KCNIP4: variants seen among roughly 807,000 people sequenced by gnomAD.
KCNIP4 encodes the protein Kv channel-interacting protein 4.
KCNIP4 carries 12 observed loss-of-function variants against 34.0 expected under a neutral mutation model. The ratio of observed to expected loss-of-function variants is 0.35; its 90% CI spans 0.23 to 0.57. The LOEUF is 0.57. KCNIP4 is among the 20% of genes least tolerant of loss of function. The pLI, the probability that KCNIP4 is intolerant of heterozygous loss-of-function variation, is 0.83. For missense variants in KCNIP4, 238 were observed against 311.7 expected (o/e 0.76, Z 1.78); for synonymous variants, 124 against 102.2 (o/e 1.21, Z -1.29).
chr4:21,716,880 A>G (rs1166879301), intron 1 of KCNIP4, among the ~76,000 whole-genome samples: 1 of 152,046 alleles, frequency 6.6e-6, no homozygotes, highest in Non-Finnish European at 1.5e-5. Context: ...GTGTAGGTAA[A>G]TTTAGAAATA....
chr4:20,884,706 C>CT (rs975286527), intron 1 of KCNIP4, among the ~76,000 whole-genome samples: 12,091 of 125,670 alleles, frequency 0.096, 768 homozygotes, highest in Non-Finnish European at 0.13. Flanking sequence ...CCAGTGCAGC[C>CT]TTTTTTTTTT....
chr4:21,523,334 T>C (rs73801659), intron 1 of KCNIP4, among the ~76,000 whole-genome samples: 12,663 of 152,148 alleles, frequency 0.083, 878 homozygotes, highest in Admixed American at 0.18. Flanking sequence ...TGTGTGTCTG[T>C]GTGTGTTTAC....
chr4:21,839,537 T>C (rs1723550875), intron 1 of KCNIP4, among the ~76,000 whole-genome samples: 1 of 152,180 alleles, frequency 6.6e-6, no homozygotes, highest in African/African-American at 2.4e-5. Context: ...GTGGATCGCC[T>C]GAGGTTAGAA....
chr4:21,620,082 A>G (rs1744900086), intron 1 of KCNIP4, among the ~76,000 whole-genome samples: 1 of 152,268 alleles, frequency 6.6e-6, no homozygotes, highest in Non-Finnish European at 1.5e-5. Flanking sequence ...AAGGGGCAGC[A>G]TGACTGAGCA....
At chr4:21,509,804 A>G (rs1577489030) in intron 1 of KCNIP4, among the ~76,000 whole-genome samples, 1 of 152,060 alleles carries the variant, frequency 6.6e-6, no homozygotes, top group African/African-American at 2.4e-5. Context: ...TAGACTGTAA[A>G]TATCCCCTGT....
At chr4:21,942,899 C>G (rs1032613290) in intron 1 of KCNIP4, among the ~76,000 whole-genome samples, 1 of 152,082 alleles carries the variant, frequency 6.6e-6, no homozygotes, top group African/African-American at 2.4e-5. Context: ...GCTGGGATTA[C>G]AGGTGTCTGC....
intron 1 of KCNIP4, among the ~76,000 whole-genome samples, chr4:21,857,566 T>C (rs746090750): frequency 8.6e-5 from 13 of 151,724 alleles, no homozygotes; most frequent in Non-Finnish European, 1.6e-4. Context: ...AGCTAACCAC[T>C]CCAGGGTCAC....
chr4:21,724,929 C>T (rs1715084542), intron 1 of KCNIP4, among the ~76,000 whole-genome samples: 1 of 152,096 alleles, frequency 6.6e-6, no homozygotes, highest in African/African-American at 2.4e-5. Context: ...CTCTTTCCTA[C>T]ATTATCTTTT....
intron 1 of KCNIP4, among the ~76,000 whole-genome samples, chr4:21,454,191 C>T (rs527258736): frequency 2.6e-5 from 4 of 151,920 alleles, no homozygotes; most frequent in Non-Finnish European, 4.4e-5. Flanking sequence ...AAGACGTGTC[C>T]CGAGATTTTA....
At chr4:21,212,333 A>G (rs1400189637) in intron 1 of KCNIP4, among the ~76,000 whole-genome samples, 9 of 152,172 alleles carry the variant, frequency 5.9e-5, no homozygotes, top group Non-Finnish European at 1.3e-4. Flanking sequence ...CTTTTCACAG[A>G]ATACATTTGC....
intron 1 of KCNIP4, among the ~76,000 whole-genome samples, chr4:21,549,733 A>G (rs1330095662): frequency 1.3e-5 from 2 of 152,074 alleles, no homozygotes; most frequent in Non-Finnish European, 1.5e-5. Flanking sequence ...TGACTTGTTC[A>G]GACAGTAAAG....
intron 1 of KCNIP4, among the ~76,000 whole-genome samples, chr4:21,280,648 G>T (rs1319446476): frequency 1.3e-5 from 2 of 152,136 alleles, no homozygotes; most frequent in East Asian, 3.9e-4. Flanking sequence ...CCTACAGAAA[G>T]TATTTGTTAA....
intron 1 of KCNIP4, among the ~76,000 whole-genome samples, chr4:21,390,330 G>T (rs1025258465): frequency 3.5e-4 from 53 of 152,206 alleles, no homozygotes; most frequent in African/African-American, 1.3e-3. Context: ...GTCAATTTTG[G>T]CTTTTGTTGC....
At chr4:21,124,717 AG>A (rs1306323926) in intron 1 of KCNIP4, among the ~76,000 whole-genome samples, 1 of 152,178 alleles carries the variant, frequency 6.6e-6, no homozygotes, top group Non-Finnish European at 1.5e-5. Context: ...AAAAAAGTCC[AG>A]GGCTAGTCTA....
chr4:21,474,239 A>T (rs1008266776), intron 1 of KCNIP4, among the ~76,000 whole-genome samples: 2 of 152,182 alleles, frequency 1.3e-5, no homozygotes, highest in African/African-American at 4.8e-5. Context: ...AAGACGAAAA[A>T]AATGAAGGCC....
intron 1 of KCNIP4, among the ~76,000 whole-genome samples, chr4:21,146,778 C>T (rs944379224): frequency 6.6e-6 from 1 of 152,028 alleles, no homozygotes; most frequent in Admixed American, 6.5e-5. Context: ...TTGAACATAC[C>T]TTTATGTTCA....
At chr4:20,855,416 A>T (rs1721465952) in intron 2 of KCNIP4, among the ~76,000 whole-genome samples, 1 of 152,082 alleles carries the variant, frequency 6.6e-6, no homozygotes, top group Non-Finnish European at 1.5e-5. Context: ...GATAACAGTC[A>T]GCTCCTCTCA....
At chr4:20,731,962 G>GT in intron 8 of KCNIP4, 44 bp downstream of exon 8, 1 of 1,610,086 alleles carries the variant, frequency 6.2e-7, no homozygotes, top group Non-Finnish European at 8.5e-7. Context: ...CAGTTTAGCT[G>GT]TTATGATAGC....
chr4:21,561,787 T>A (rs1406108649), intron 1 of KCNIP4, among the ~76,000 whole-genome samples: 1 of 152,132 alleles, frequency 6.6e-6, no homozygotes, highest in East Asian at 1.9e-4. Flanking sequence ...TTCACATACA[T>A]TACATCCTTT....
Sources: allele counts gnomAD v4.1 joint callset (sites outside exome capture counted in the v4.1 genomes callset), GRCh38; gene constraint gnomAD v4.1.1; transcripts MANE v1.5; gene names NCBI Gene and HGNC (gene_info 2026-07-23, HGNC 2026-07-21).